The following KIAA0825 variants were observed in gnomAD, a reference collection of about 807,000 sequenced individuals.
KIAA0825 encodes KIAA0825.
Under a neutral mutation model 147.6 loss-of-function variants are expected in KIAA0825, and 119 were observed. The ratio of observed to expected loss-of-function variants is 0.81; its 90% CI spans 0.69 to 0.94. The LOEUF is 0.94. Ranked by LOEUF, KIAA0825 falls within the 40% of genes least tolerant of loss-of-function variation. KIAA0825 has a pLI of 0.00. For missense variants in KIAA0825, 1,381 were observed against 1,472.7 expected (o/e 0.94, Z 1.02); for synonymous variants, 470 against 518.1 (o/e 0.91, Z 1.26).
At chr5:94,532,972 T>C (rs58341727) in intron 3 of KIAA0825, among the ~76,000 whole-genome samples, 22,979 of 151,172 alleles carry the variant, frequency 0.15, 2,479 homozygotes, top group African/African-American at 0.3. Context: ...GGAAAAATCA[T>C]TCTGTGTCTT....
intron 20 of KIAA0825, among the ~76,000 whole-genome samples, chr5:94,292,960 TCATTTATCA>T (rs1777968107): frequency 6.6e-6 from 1 of 152,082 alleles, no homozygotes; most frequent in Non-Finnish European, 1.5e-5. Context: ...CGGTGATATT[TCATTTATCA>T]TTTTTTATTG....
intron 7 of KIAA0825, among the ~76,000 whole-genome samples, chr5:94,476,152 CTA>C (rs1260156065): frequency 6.6e-6 from 1 of 152,130 alleles, no homozygotes; most frequent in East Asian, 1.9e-4. Flanking sequence ...TCTGTTAAAA[CTA>C]TGTGTTGTTT....
chr5:94,453,068 TC>T lies in KIAA0825; in HGVS notation c.2247del (p.Thr750LeufsTer14). On this transcript the variant is annotated frameshift_variant and splice_region_variant, in exon 13 of 21. Coordinates refer to ENST00000682413, the MANE Select transcript of KIAA0825 (RefSeq NM_001145678.3). LOFTEE classifies it high-confidence loss of function. ...ILTSPLTELY[K>X]TFQHGLDESA... ...GACTCATCCAGGCCATGCTGAAAAG[TC>T]CTAGGGAAATACAAATAATTAGTTT... is the stretch of plus-strand genomic sequence containing the variant. The T allele has an allele frequency of 6.8e-7, 1 of 1,466,962 alleles. No homozygotes were observed. The allele number at this position is 1,466,962 out of a possible 1,614,324, so 90.9% of individuals were successfully genotyped here. A position where few individuals can be genotyped will look rare whatever the true frequency, so the allele number is the denominator to read the frequency against.
In KIAA0825 at chr5:94,513,548, A is replaced by G. The variant is rs577192835; in HGVS notation, c.970+6700T>C. 2.0e-4 allele frequency among the ~76,000 whole-genome samples: 30 copies of G among 152,272 alleles called. 1 individual carries two copies. The South Asian group carries it at 3.5e-3, about 18-fold the overall frequency. The stretch of plus-strand genomic sequence containing the variant: ...AATGTGCTAAAATTAAATTGCATAC[A>G]TGTTCTCTTTTACCCAATATACTTT... On this transcript the variant is annotated intron_variant, in intron 5 of 20. Transcript: ENST00000682413.
In KIAA0825 at chr5:94,412,469, C is replaced by T. The variant is rs184855525; in HGVS notation, c.2662+4732G>A. 3.3e-5 allele frequency among the ~76,000 whole-genome samples: 5 copies of T among 152,090 alleles called. No homozygotes were observed. The East Asian group carries it at 5.8e-4, about 18-fold the overall frequency. On this transcript the variant is annotated intron_variant, in intron 15 of 20. Coordinates refer to ENST00000682413, the MANE Select transcript of KIAA0825 (RefSeq NM_001145678.3). ...AGGCTGGAATGCAGTGGTGTGATCTCGACTCACTGCAAGCTCCACCTCCTG... is the reference window on the plus strand; with the variant it reads ...AGGCTGGAATGCAGTGGTGTGATCTTGACTCACTGCAAGCTCCACCTCCTG...
intron 20 of KIAA0825, among the ~76,000 whole-genome samples, chr5:94,182,513 C>A (rs1769755351): frequency 6.6e-6 from 1 of 151,512 alleles, no homozygotes. Flanking sequence ...ACCTGCCTCG[C>A]CCTTCCAAAG....
chr5:94,383,090 A>G (rs1047106162), intron 20 of KIAA0825, among the ~76,000 whole-genome samples: 3 of 152,136 alleles, frequency 2.0e-5, no homozygotes, highest in African/African-American at 7.2e-5. Flanking sequence ...TCACCTCTCC[A>G]AATATCTTTG....
At chr5:94,351,459 C>A (rs1783658892) in intron 20 of KIAA0825, among the ~76,000 whole-genome samples, 1 of 152,102 alleles carries the variant, frequency 6.6e-6, no homozygotes, top group Non-Finnish European at 1.5e-5. Flanking sequence ...CAAATGGAAA[C>A]ACATCCCATG....
chr5:94,163,421 T>G (rs1767753355), intron 20 of KIAA0825, among the ~76,000 whole-genome samples: 2 of 152,190 alleles, frequency 1.3e-5, no homozygotes, highest in Non-Finnish European at 2.9e-5. Flanking sequence ...ACTTTTTTCT[T>G]TAGTATGTAA....
At chr5:94,521,948 C>G (rs911043733) in intron 4 of KIAA0825, among the ~76,000 whole-genome samples, 2 of 151,664 alleles carry the variant, frequency 1.3e-5, no homozygotes, top group Non-Finnish European at 3.0e-5. Flanking sequence ...ATGAACAATT[C>G]CTAGACAAAT....
intron 20 of KIAA0825, among the ~76,000 whole-genome samples, chr5:94,169,652 C>G (rs1209115211): frequency 6.6e-6 from 1 of 151,670 alleles, no homozygotes. Context: ...CATCGAGTCA[C>G]TGCCTATATG....
intron 6 of KIAA0825, among the ~76,000 whole-genome samples, chr5:94,483,933 A>AATAT (rs148938310): frequency 6.7e-6 from 1 of 149,492 alleles, no homozygotes; most frequent in Non-Finnish European, 1.5e-5. Context: ...AGATGCAGCA[A>AATAT]ATATATATAT....
At chr5:94,602,104 C>T (rs1239815135) in intron 1 of KIAA0825, among the ~76,000 whole-genome samples, 1 of 152,174 alleles carries the variant, frequency 6.6e-6, no homozygotes, top group Admixed American at 6.5e-5. Context: ...AATCCCAGCA[C>T]TTTGGGAGGC....
chr5:94,411,725 G>T (rs2150679888), intron 15 of KIAA0825, among the ~76,000 whole-genome samples: 1 of 152,072 alleles, frequency 6.6e-6, no homozygotes, highest in African/African-American at 2.4e-5. Context: ...GAGGCAGGCA[G>T]ATCATGAATT....
At chr5:94,388,714 G>C (rs1032825207) in intron 18 of KIAA0825, among the ~76,000 whole-genome samples, 6 of 152,142 alleles carry the variant, frequency 3.9e-5, no homozygotes, top group African/African-American at 1.4e-4. Flanking sequence ...GATCTTTCTA[G>C]GTACTGCACT....
At chr5:94,590,840 A>G (rs1784221391) in intron 1 of KIAA0825, among the ~76,000 whole-genome samples, 1 of 152,224 alleles carries the variant, frequency 6.6e-6, no homozygotes, top group Admixed American at 6.5e-5. Context: ...TAACTAAAAT[A>G]ATAATAACCA....
chr5:94,158,462 G>A (rs1300832993), intron 20 of KIAA0825, among the ~76,000 whole-genome samples: 3 of 152,010 alleles, frequency 2.0e-5, no homozygotes, highest in Non-Finnish European at 2.9e-5. Flanking sequence ...CTTCTCCTAG[G>A]ACCTAGACAA....
At chr5:94,496,610 T>A (rs1457831096) in intron 5 of KIAA0825, among the ~76,000 whole-genome samples, 1 of 152,302 alleles carries the variant, frequency 6.6e-6, no homozygotes, top group Non-Finnish European at 1.5e-5. Flanking sequence ...GTGTGGCAGA[T>A]GAACCTAAAT....
chr5:94,333,426 G>A (rs1444744401), intron 20 of KIAA0825, among the ~76,000 whole-genome samples: 1 of 148,372 alleles, frequency 6.7e-6, no homozygotes, highest in East Asian at 1.9e-4. Context: ...AAGGGGTTCA[G>A]TATCGGTTTT....
Sources: gnomAD v4.1 joint callset for allele counts (sites outside exome capture counted in the v4.1 genomes callset) on GRCh38, gnomAD v4.1.1 for gene constraint, MANE v1.5 for transcripts, NCBI Gene and HGNC (gene_info 2026-07-23, HGNC 2026-07-21) for gene names.